Variants in STXBP5L observed in about 807,000 individuals in gnomAD.
The protein encoded by STXBP5L is syntaxin binding protein 5L.
Under a neutral mutation model 144.5 loss-of-function variants are expected in STXBP5L, and 65 were observed. The ratio of observed to expected loss-of-function variants is 0.45; its 90% CI spans 0.37 to 0.55. The LOEUF (loss-of-function observed/expected upper bound fraction) is 0.55, where lower values mean the gene tolerates loss of function less well. Among genes scored for constraint, STXBP5L ranks in the 20% least tolerant of loss-of-function variants. The pLI, the probability that STXBP5L is intolerant of heterozygous loss-of-function variation, is 0.00. For missense variants in STXBP5L, 1,298 were observed against 1,405.5 expected, an observed-to-expected ratio of 0.92 and a Z score of 1.22; for synonymous variants, 505 against 469.6, an observed-to-expected ratio of 1.08 and a Z score of -0.97.
intron 9 of STXBP5L, chr3:121,157,853 G>A (rs1012400762): frequency 2.0e-6 from 1 of 497,176 alleles, no homozygotes; most frequent in Non-Finnish European, 3.3e-6. Flanking sequence ...CTGTAGTTAT[G>A]TACTGTCCCA....
Position 121,157,620 on chromosome 3 carries a change from T to C in STXBP5L, c.870T>C (p.Ile290=), listed in dbSNP as rs1228551796. 2 of 1,600,214 alleles carry C rather than the reference T, an allele frequency of 1.2e-6. No individual in the cohort carries two copies. Among genetic ancestry groups the C allele is most frequent in the East Asian group, 4.6e-5 (2 of 43,910 alleles). ...CAAGTCGCCCTTTCCAGACCACAAT[T>C]CCACATGGTAAGATGTATGCTTTCA... ...KSPSRPFQTT[I]PHGKSQREGR... is the part of the protein sequence containing the mutation. The change falls in exon 9 of 27, where the codon ATT becomes ATC. Residue 290 remains isoleucine (I), a synonymous_variant. Transcript: ENST00000471454.
At chr3:120,950,432 G>C (rs1711138674) in intron 2 of STXBP5L, among the ~76,000 whole-genome samples, 1 of 151,972 alleles carries the variant, frequency 6.6e-6, no homozygotes. Context: ...GTTTGTATAA[G>C]TTTTGAAATA....
At chr3:121,113,494 C>T (rs967846642) in intron 5 of STXBP5L, among the ~76,000 whole-genome samples, 1 of 151,932 alleles carries the variant, frequency 6.6e-6, no homozygotes, top group Non-Finnish European at 1.5e-5. Flanking sequence ...TTACTATTGT[C>T]AATAGTAATT....
At position 121,279,913 on chromosome 3, in the gene STXBP5L, G is replaced by A. The variant is rs541951107; in HGVS notation, c.2067G>A (p.Gln689=). 2 of 1,612,408 alleles carry A rather than the reference G, an allele frequency of 1.2e-6. No individual in the cohort carries two copies. The highest frequency in any genetic ancestry group is 1.1e-5 in the South Asian group (1 of 91,038). Residue 689 remains glutamine (Q), a synonymous_variant, in exon 19 of 27, where the codon CAG becomes CAA. Coordinates refer to ENST00000471454, the MANE Select transcript of STXBP5L (RefSeq NM_001308330.2). ...IDLYRSSDLY[Q]RQPRSPRKNK... ...TATATAGATCAAGTGACTTATACCA[G>A]CGACAACCACGGTCTCCTCGAAAAA...
chr3:121,055,638 G>T (rs1239357924), intron 5 of STXBP5L, among the ~76,000 whole-genome samples: 1 of 149,568 alleles, frequency 6.7e-6, no homozygotes, highest in Non-Finnish European at 1.5e-5. Context: ...AGCCTCCTTA[G>T]TGCTGGGACT....
chr3:121,121,812 T>C lies in STXBP5L; in HGVS notation c.669+108T>C, dbSNP rs918358161. ...GTATCTAGCCCAGTTGATAGCATTT[T>C]ATATTATGTAAAATGAAAATGTGTT... On this transcript the variant is annotated intron_variant, in intron 7 of 26. Coordinates refer to ENST00000471454, the MANE Select transcript of STXBP5L (RefSeq NM_001308330.2). 50 of 610,632 alleles carry C rather than the reference T, an allele frequency of 8.2e-5. No homozygotes were observed. In the African/African-American group the frequency reaches 8.5e-4, roughly 10 times the overall value. 37.8% of individuals were successfully genotyped at this position (610,632 alleles called of 1,614,324 possible). A position where few individuals can be genotyped will look rare whatever the true frequency, so the allele number is the denominator to read the frequency against.
At chr3:121,342,629 G>T (rs1198526767) in intron 20 of STXBP5L, among the ~76,000 whole-genome samples, 1 of 151,776 alleles carries the variant, frequency 6.6e-6, no homozygotes, top group Non-Finnish European at 1.5e-5. Context: ...AGTTTACTGA[G>T]AATGATGCTT....
intron 3 of STXBP5L, among the ~76,000 whole-genome samples, chr3:120,976,884 G>GT (rs1298001814): frequency 3.3e-5 from 5 of 152,006 alleles, no homozygotes; most frequent in African/African-American, 1.2e-4. Context: ...CTGAGTTTTA[G>GT]TTTGATTGCA....
At chr3:121,137,266 TA>T (rs1171808616) in intron 7 of STXBP5L, among the ~76,000 whole-genome samples, 1 of 152,034 alleles carries the variant, frequency 6.6e-6, no homozygotes, top group Non-Finnish European at 1.5e-5. Flanking sequence ...GTTGGTTTTT[TA>T]AAAATATAAA....
At chr3:121,089,676 C>T (rs989703009) in intron 5 of STXBP5L, among the ~76,000 whole-genome samples, 1 of 151,766 alleles carries the variant, frequency 6.6e-6, no homozygotes, top group African/African-American at 2.4e-5. Context: ...TCAGTCTCAT[C>T]CTCTTTTCCT....
At chr3:120,963,154 A>T (rs905975137) in intron 3 of STXBP5L, among the ~76,000 whole-genome samples, 1 of 152,238 alleles carries the variant, frequency 6.6e-6, no homozygotes, top group African/African-American at 2.4e-5. Flanking sequence ...GAAGTTGCTT[A>T]TCAGCTTAAG....
At chr3:121,315,333 T>C (rs1318103718) in intron 19 of STXBP5L, among the ~76,000 whole-genome samples, 1 of 151,924 alleles carries the variant, frequency 6.6e-6, no homozygotes, top group Non-Finnish European at 1.5e-5. Context: ...ATGTCCTTTG[T>C]AGGGACATGG....
chr3:121,220,207 A>T (rs1472268448), intron 10 of STXBP5L, among the ~76,000 whole-genome samples: 4 of 152,074 alleles, frequency 2.6e-5, no homozygotes, highest in Non-Finnish European at 4.4e-5. Flanking sequence ...AGACTGTTAC[A>T]TATAAGTGGT....
chr3:121,104,815 C>T (rs999961191), intron 5 of STXBP5L, among the ~76,000 whole-genome samples: 4 of 152,140 alleles, frequency 2.6e-5, no homozygotes, highest in Non-Finnish European at 5.9e-5. Flanking sequence ...ATTGGAAAAA[C>T]TCTTCTAGAC....
chr3:121,351,398 CA>C (rs2108612891), intron 20 of STXBP5L, among the ~76,000 whole-genome samples: 1 of 152,220 alleles, frequency 6.6e-6, no homozygotes, highest in East Asian at 1.9e-4. Context: ...TTAGGCTACT[CA>C]GGGGTTAGGG....
intron 5 of STXBP5L, among the ~76,000 whole-genome samples, chr3:121,108,187 A>G (rs1034898109): frequency 3.9e-5 from 6 of 152,158 alleles, no homozygotes. Context: ...CTCTCTTCCT[A>G]TTTCAATACG....
intron 9 of STXBP5L, among the ~76,000 whole-genome samples, chr3:121,196,729 C>G (rs1384506662): frequency 6.6e-6 from 1 of 151,964 alleles, no homozygotes; most frequent in South Asian, 2.1e-4. Context: ...GTGGCATGAT[C>G]ATGGATCACG....
At chr3:121,168,310 C>G (rs924345320) in intron 9 of STXBP5L, among the ~76,000 whole-genome samples, 1 of 152,084 alleles carries the variant, frequency 6.6e-6, no homozygotes, top group Non-Finnish European at 1.5e-5. Context: ...ACCTCGCTAG[C>G]AAGGGAACAA....
At chr3:121,007,273 T>C (rs68118245) in intron 3 of STXBP5L, among the ~76,000 whole-genome samples, 19,798 of 152,130 alleles carry the variant, frequency 0.13, 1,614 homozygotes, top group Non-Finnish European at 0.19. Context: ...TTATATATTG[T>C]TCTTTTTGAT....
Sources: gnomAD v4.1 joint callset for allele counts (sites outside exome capture counted in the v4.1 genomes callset) on GRCh38, gnomAD v4.1.1 for gene constraint, MANE v1.5 for transcripts, NCBI Gene and HGNC (gene_info 2026-07-23, HGNC 2026-07-21) for gene names.